The following JPH3 variants were observed in gnomAD, a reference collection of about 807,000 sequenced individuals.
JPH3 encodes the protein junctophilin 3, also known as junctophilin-3.
JPH3 carries 11 observed loss-of-function variants against 59.6 expected under a neutral mutation model. The observed-to-expected ratio is 0.18, with a 90% CI of 0.12 to 0.31. The LOEUF is 0.31. Ranked by LOEUF, JPH3 falls within the 10% of genes least tolerant of loss-of-function variation. The pLI, the probability that JPH3 is intolerant of heterozygous loss-of-function variation, is 1.00. For synonymous variants in JPH3, 673 were observed against 483.6 expected (o/e 1.39, Z -5.14); for missense variants, 1,202 against 1,105.7 (o/e 1.09, Z -1.24).
intron 2 of JPH3, among the ~76,000 whole-genome samples, chr16:87,658,561 C>G (rs547605117): frequency 5.9e-5 from 9 of 152,278 alleles, no homozygotes; most frequent in African/African-American, 2.2e-4. Flanking sequence ...CTCCCCAACC[C>G]CCCTGTTTCT....
At chr16:87,689,334 C>T (rs1009213658) in intron 3 of JPH3, among the ~76,000 whole-genome samples, 1 of 152,172 alleles carries the variant, frequency 6.6e-6, no homozygotes, top group African/African-American at 2.4e-5. Context: ...TGAGTCCACA[C>T]CCCAGCGTCC....
At chr16:87,691,399 G>A (rs1483076889) in intron 4 of JPH3, among the ~76,000 whole-genome samples, 4 of 152,246 alleles carry the variant, frequency 2.6e-5, no homozygotes, top group Non-Finnish European at 4.4e-5. Flanking sequence ...GTGGCTGCCA[G>A]GCAGTGCGTG....
intron 2 of JPH3, among the ~76,000 whole-genome samples, chr16:87,674,100 C>T (rs947689778): frequency 6.6e-5 from 10 of 151,066 alleles, no homozygotes; most frequent in South Asian, 2.1e-4. Flanking sequence ...TTTCGGAGGC[C>T]GAGGCAGGTG....
intron 1 of JPH3, among the ~76,000 whole-genome samples, chr16:87,627,441 T>C (rs913224182): frequency 3.9e-5 from 6 of 152,214 alleles, no homozygotes; most frequent in African/African-American, 1.4e-4. Flanking sequence ...ATGGATTTTA[T>C]GTAGTAGACA....
intron 3 of JPH3, among the ~76,000 whole-genome samples, chr16:87,685,524 C>A (rs2033396130): frequency 6.6e-6 from 1 of 152,254 alleles, no homozygotes; most frequent in Non-Finnish European, 1.5e-5. Context: ...CGGTGGGGCG[C>A]ACACTTGGGG....
intron 2 of JPH3, among the ~76,000 whole-genome samples, chr16:87,648,294 A>G (rs2032219227): frequency 6.6e-6 from 1 of 151,934 alleles, no homozygotes; most frequent in South Asian, 2.1e-4. Flanking sequence ...TGGAGAGTGA[A>G]GCTGATGAAT....
intron 2 of JPH3, among the ~76,000 whole-genome samples, chr16:87,647,874 C>T (rs1041797593): frequency 1.3e-5 from 2 of 152,228 alleles, no homozygotes; most frequent in Admixed American, 6.5e-5. Flanking sequence ...TAGGAACTGG[C>T]GTCTCACCCT....
chr16:87,623,204 GACCTCAGC>G (rs1437821101), intron 1 of JPH3, among the ~76,000 whole-genome samples: 2 of 152,232 alleles, frequency 1.3e-5, no homozygotes, highest in African/African-American at 4.8e-5. Context: ...GTCCTGCAAG[GACCTCAGC>G]ACCTTCCTTG....
At chr16:87,679,357 T>C (rs964528486) in intron 2 of JPH3, among the ~76,000 whole-genome samples, 1 of 152,362 alleles carries the variant, frequency 6.6e-6, no homozygotes, top group East Asian at 1.9e-4. Flanking sequence ...CAGGCTGCTC[T>C]GATCGCAGAC....
At chr16:87,677,087 A>T (rs2033159597) in intron 2 of JPH3, among the ~76,000 whole-genome samples, 1 of 151,002 alleles carries the variant, frequency 6.6e-6, no homozygotes, top group Non-Finnish European at 1.5e-5. Context: ...TGAACCCGGG[A>T]GGTGGAGCTT....
chr16:87,650,836 C>T (rs1416118920), intron 2 of JPH3, among the ~76,000 whole-genome samples: 1 of 152,228 alleles, frequency 6.6e-6, no homozygotes, highest in East Asian at 1.9e-4. Context: ...AAAGAAGCCG[C>T]TTCCAGAACA....
intron 1 of JPH3, among the ~76,000 whole-genome samples, chr16:87,607,125 G>A (rs1236958623): frequency 6.6e-6 from 1 of 152,180 alleles, no homozygotes; most frequent in African/African-American, 2.4e-5. Flanking sequence ...GCGTACAGTG[G>A]CCCAGAATTG....
chr16:87,617,000 G>T (rs1489432499), intron 1 of JPH3, among the ~76,000 whole-genome samples: 4 of 152,178 alleles, frequency 2.6e-5, no homozygotes, highest in Non-Finnish European at 4.4e-5. Flanking sequence ...CTAGGCGGGT[G>T]GGTCACCTGA....
At chr16:87,646,207 A>G (rs1487220410) in intron 2 of JPH3, among the ~76,000 whole-genome samples, 1 of 152,246 alleles carries the variant, frequency 6.6e-6, no homozygotes, top group Admixed American at 6.5e-5. Flanking sequence ...CCTGTCGCTA[A>G]TTAAAGTTCA....
chr16:87,635,543 A>T (rs2031710322), intron 1 of JPH3, among the ~76,000 whole-genome samples: 1 of 152,146 alleles, frequency 6.6e-6, no homozygotes, highest in Non-Finnish European at 1.5e-5. Flanking sequence ...GCGCTGAGTG[A>T]CTGTCCCAGC....
intron 2 of JPH3, among the ~76,000 whole-genome samples, chr16:87,649,299 C>T (rs1050961573): frequency 6.6e-6 from 1 of 152,230 alleles, no homozygotes; most frequent in African/African-American, 2.4e-5. Context: ...CACCACAGGG[C>T]ATTCGGCCCC....
At chr16:87,680,242 G>A (rs558938339) in intron 2 of JPH3, among the ~76,000 whole-genome samples, 3 of 152,386 alleles carry the variant, frequency 2.0e-5, no homozygotes, top group East Asian at 3.9e-4. Flanking sequence ...CTTTGCTCCA[G>A]TGATCCCTGA....
chr16:87,639,618 T>TCCTGTCCTCCCA (rs1327053341), intron 1 of JPH3, among the ~76,000 whole-genome samples: 1 of 150,260 alleles, frequency 6.7e-6, no homozygotes, highest in Non-Finnish European at 1.5e-5. Flanking sequence ...CTGTCCTCCC[T>TCCTGTCCTCCCA]CCTGGCCTCC....
chr16:87,651,609 ATGT>A (rs2032326458), intron 2 of JPH3, among the ~76,000 whole-genome samples: 1 of 152,216 alleles, frequency 6.6e-6, no homozygotes, highest in Non-Finnish European at 1.5e-5. Flanking sequence ...AGGACTGCAG[ATGT>A]GGTGGAAATA....
Sources: allele counts gnomAD v4.1 joint callset (sites outside exome capture counted in the v4.1 genomes callset), GRCh38; gene constraint gnomAD v4.1.1; transcripts MANE v1.5; gene names NCBI Gene and HGNC (gene_info 2026-07-23, HGNC 2026-07-21).